GRAMD2B: variants seen among roughly 807,000 people sequenced by gnomAD.
The protein encoded by GRAMD2B is GRAM domain-containing protein 2B.
Under a neutral mutation model 59.2 loss-of-function variants are expected in GRAMD2B, and 41 were observed. The observed-to-expected ratio is 0.69, with a 90% CI of 0.54 to 0.90. The LOEUF (loss-of-function observed/expected upper bound fraction) is 0.90. Among genes scored for constraint, GRAMD2B ranks in the 40% least tolerant of loss-of-function variants. The pLI, the probability that GRAMD2B is intolerant of heterozygous loss-of-function variation, is 0.00. For synonymous variants in GRAMD2B, 161 were observed against 182.7 expected (o/e 0.88, Z 0.96); for missense variants, 424 against 500.5 (o/e 0.85, Z 1.46).
chr5:126,480,047 G>A (rs35259163), intron 6 of GRAMD2B: 46,791 of 157,902 alleles, frequency 0.3, 7,238 homozygotes, highest in Middle Eastern at 0.38. Flanking sequence ...CAGAGAAGGC[G>A]GACCCTCGGG....
intron 1 of GRAMD2B, among the ~76,000 whole-genome samples, chr5:126,389,976 A>C (rs1010477888): frequency 3.9e-5 from 6 of 152,228 alleles, no homozygotes; most frequent in African/African-American, 1.4e-4. Context: ...AATTGTCCAC[A>C]TTGGGAAATA....
chr5:126,408,155 T>C (rs1758424407), intron 1 of GRAMD2B, among the ~76,000 whole-genome samples: 1 of 152,008 alleles, frequency 6.6e-6, no homozygotes, highest in Admixed American at 6.6e-5. Context: ...TTTATGTCCA[T>C]AAGTAACTGA....
rs546092454 is a variant in GRAMD2B, at chr5:126,462,674, T to TTGG, written c.84-2750_84-2748dup. 2.3e-4 allele frequency among the ~76,000 whole-genome samples: 35 copies of TTGG among 152,302 alleles called. No homozygotes were observed. In the East Asian group the frequency reaches 4.4e-3, roughly 19 times the overall value. ...CAGACATTCCCTGCCTTTAAGGAAC[T>TTGG]TGGTTTAGTGCTGGATAACTAAGAT... On this transcript the variant is annotated intron_variant, in intron 1 of 13. Transcript: ENST00000285689.
intron 1 of GRAMD2B, among the ~76,000 whole-genome samples, chr5:126,392,230 A>T (rs571825512): frequency 6.6e-6 from 1 of 152,314 alleles, no homozygotes; most frequent in East Asian, 1.9e-4. Context: ...ACACTCAGAG[A>T]TTCACTAGAA....
intron 1 of GRAMD2B, among the ~76,000 whole-genome samples, chr5:126,460,397 G>A (rs1332857635): frequency 6.6e-6 from 1 of 152,122 alleles, no homozygotes; most frequent in African/African-American, 2.4e-5. Flanking sequence ...GAAATTTATA[G>A]TTGTCCAAAC....
chr5:126,393,560 G>A (rs79203403), intron 1 of GRAMD2B, among the ~76,000 whole-genome samples: 3,211 of 152,176 alleles, frequency 0.021, 101 homozygotes, highest in African/African-American at 0.074. Context: ...TACCTGTAAG[G>A]CATGTGGAAA....
chr5:126,428,835 A>T (rs1438244746), intron 1 of GRAMD2B, among the ~76,000 whole-genome samples: 1 of 152,204 alleles, frequency 6.6e-6, no homozygotes, highest in African/African-American at 2.4e-5. Flanking sequence ...ACCACAATGA[A>T]ATTCCATCTC....
chr5:126,415,105 C>CCCAGTTCT (rs1308246126), intron 1 of GRAMD2B, among the ~76,000 whole-genome samples: 2 of 152,132 alleles, frequency 1.3e-5, no homozygotes, highest in African/African-American at 4.8e-5. Context: ...TGGAATAGAG[C>CCCAGTTCT]CCAGTTCTCC....
chr5:126,462,330 A>G, intron 1 of GRAMD2B: 1 of 740,584 alleles, frequency 1.4e-6, no homozygotes, highest in Non-Finnish European at 1.6e-6. Flanking sequence ...AGTTTCCAAA[A>G]GGCCTTGAGG....
intron 1 of GRAMD2B, among the ~76,000 whole-genome samples, chr5:126,411,188 C>G (rs889369534): frequency 6.6e-6 from 1 of 151,950 alleles, no homozygotes; most frequent in Admixed American, 6.6e-5. Context: ...AGGCCAATGT[C>G]CAAAATGGTG....
At chr5:126,456,416 G>A (rs1431385251) in intron 1 of GRAMD2B, among the ~76,000 whole-genome samples, 2 of 151,862 alleles carry the variant, frequency 1.3e-5, no homozygotes, top group Admixed American at 1.3e-4. Context: ...GTCTCCCTAT[G>A]TTGTCCAGGC....
chr5:126,360,220 GA>G, exon 1 of GRAMD2B: 2 of 1,310,514 alleles, frequency 1.5e-6, no homozygotes, highest in Non-Finnish European at 2.1e-6. Flanking sequence ...ACTTGTGAGC[GA>G]AAAGCACACC....
chr5:126,369,834 C>T (rs1754648770), upstream of GRAMD2B, among the ~76,000 whole-genome samples: 1 of 152,184 alleles, frequency 6.6e-6, no homozygotes, highest in Non-Finnish European at 1.5e-5. Context: ...TGACCATTAA[C>T]ATCTGTGCCA....
intron 3 of GRAMD2B, among the ~76,000 whole-genome samples, chr5:126,471,642 G>C (rs1769604653): frequency 6.6e-6 from 1 of 152,184 alleles, no homozygotes; most frequent in Non-Finnish European, 1.5e-5. Context: ...AGTAGGAAGA[G>C]TGGCCATATG....
intron 1 of GRAMD2B, among the ~76,000 whole-genome samples, chr5:126,442,205 T>C (rs1763405169): frequency 6.6e-6 from 1 of 151,922 alleles, no homozygotes; most frequent in African/African-American, 2.4e-5. Context: ...CATCTTCACG[T>C]TCTTCACCTG....
intron 1 of GRAMD2B, among the ~76,000 whole-genome samples, chr5:126,391,913 T>C (rs1400226200): frequency 6.6e-6 from 1 of 152,208 alleles, no homozygotes; most frequent in Admixed American, 6.5e-5. Flanking sequence ...GTGAATTATA[T>C]CTCAATAAAA....
chr5:126,399,543 C>T (rs779683137), intron 1 of GRAMD2B, among the ~76,000 whole-genome samples: 2 of 152,144 alleles, frequency 1.3e-5, no homozygotes, highest in African/African-American at 2.4e-5. Flanking sequence ...CCTTCCCCTT[C>T]GCCTTCCACC....
At chr5:126,433,647 T>G (rs1761949015) in intron 1 of GRAMD2B, 2 of 152,250 alleles carry the variant, frequency 1.3e-5, no homozygotes, top group Non-Finnish European at 2.9e-5. Flanking sequence ...TGCTCCAGCT[T>G]AGCAGTAGAG....
chr5:126,397,294 G>C (rs1757439328), intron 1 of GRAMD2B, among the ~76,000 whole-genome samples: 1 of 152,094 alleles, frequency 6.6e-6, no homozygotes, highest in South Asian at 2.1e-4. Flanking sequence ...GTGTGATCTT[G>C]GCTCACTGCA....
Sources: gnomAD v4.1 joint callset for allele counts (sites outside exome capture counted in the v4.1 genomes callset) on GRCh38, gnomAD v4.1.1 for gene constraint, MANE v1.5 for transcripts, NCBI Gene and HGNC (gene_info 2026-07-23, HGNC 2026-07-21) for gene names.